LARGE1: variants seen among roughly 807,000 people sequenced by gnomAD.
LARGE1 encodes the protein LARGE xylosyl- and glucuronyltransferase 1, also known as xylosyl- and glucuronyltransferase LARGE1.
Under a neutral mutation model 87.6 loss-of-function variants are expected in LARGE1, and 43 were observed. That is an observed-to-expected ratio of 0.49 (90% CI 0.38 to 0.63). The LOEUF is 0.63. Ranked by LOEUF, LARGE1 falls within the 30% of genes least tolerant of loss-of-function variation. The probability of loss-of-function intolerance (pLI) is 0.00; values close to 1 mark genes in which losing one functional copy is unlikely to be tolerated. For missense variants in LARGE1, 802 were observed against 1,000.2 expected, an observed-to-expected ratio of 0.80 and a Z score of 2.67; for synonymous variants, 434 against 394.6, an observed-to-expected ratio of 1.10 and a Z score of -1.18.
chr22:33,627,628 G>A (rs1011270868), intron 3 of LARGE1, among the ~76,000 whole-genome samples: 11 of 152,106 alleles, frequency 7.2e-5, no homozygotes, highest in Non-Finnish European at 1.5e-5. Context: ...ATCCCATACA[G>A]GGTGATGTGA....
At chr22:33,122,086 G>T in the LARGE1 span, among the ~76,000 whole-genome samples, 1 of 152,140 alleles carries the variant, frequency 6.6e-6, no homozygotes, top group Admixed American at 6.5e-5. Flanking sequence ...GAAAATTAAG[G>T]ATCTGGATTG....
chr22:33,073,817 C>G, the LARGE1 span, among the ~76,000 whole-genome samples: 1 of 152,164 alleles, frequency 6.6e-6, no homozygotes, highest in Non-Finnish European at 1.5e-5. Context: ...CATATACATG[C>G]TAATAAACCT....
chr22:33,382,788 C>T (rs2065201088), intron 8 of LARGE1, among the ~76,000 whole-genome samples: 2 of 152,136 alleles, frequency 1.3e-5, no homozygotes, highest in Non-Finnish European at 2.9e-5. Flanking sequence ...GGGGGACATG[C>T]TCAAGTCACT....
At chr22:33,861,750 G>C (rs1160274459) in intron 1 of LARGE1, 4 of 152,210 alleles carry the variant, frequency 2.6e-5, no homozygotes, top group African/African-American at 4.8e-5. Flanking sequence ...ACTCACTTCT[G>C]CTCACCACCC....
At chr22:33,765,707 C>CCAACA (rs2084879616) in intron 1 of LARGE1, among the ~76,000 whole-genome samples, 1 of 69,906 alleles carries the variant, frequency 1.4e-5, no homozygotes, top group African/African-American at 5.9e-5. Flanking sequence ...CTCCATCTCA[C>CCAACA]AAAAAAAAAA....
At chr22:33,422,703 G>T (rs1459959043) in intron 7 of LARGE1, among the ~76,000 whole-genome samples, 2 of 151,992 alleles carry the variant, frequency 1.3e-5, no homozygotes, top group Non-Finnish European at 2.9e-5. Context: ...TAGAGATGGG[G>T]TTTCACCATG....
chr22:33,745,709 T>A (rs555062350), intron 2 of LARGE1, among the ~76,000 whole-genome samples: 1 of 152,086 alleles, frequency 6.6e-6, no homozygotes, highest in African/African-American at 2.4e-5. Context: ...CAATCATCCA[T>A]CAGCCACAGA....
At chr22:33,700,846 C>T (rs530083780) in intron 2 of LARGE1, among the ~76,000 whole-genome samples, 2 of 152,220 alleles carry the variant, frequency 1.3e-5, no homozygotes, top group African/African-American at 4.8e-5. Flanking sequence ...GTTTAGGTAC[C>T]TTTTAAGCTT....
rs71187275 is a variant in LARGE1 at position 33,651,225 on chromosome 22, CAAAAAA to C, written c.107-563_107-558del. On this transcript the variant is annotated intron_variant, in intron 2 of 14. Coordinates refer to ENST00000397394, the MANE Select transcript of LARGE1 (RefSeq NM_133642.5). The stretch of plus-strand genomic sequence containing the variant: ...TGAAACCCGGTCTCTACTAAAAATA[CAAAAAA>C]AAAAAAAAAAATTAGCCGGGCTTGG... 8.1e-4 allele frequency among the ~76,000 whole-genome samples: 46 copies of C among 56,584 alleles called. 2 individuals carry two copies. The highest frequency in any genetic ancestry group is 3.1e-3 in the African/African-American group (46 of 14,684). The allele number at this position is 56,584 out of a possible 152,430, so 37.1% of individuals were successfully genotyped here.
the LARGE1 span, among the ~76,000 whole-genome samples, chr22:33,067,290 A>G: frequency 6.6e-6 from 1 of 152,102 alleles, no homozygotes; most frequent in African/African-American, 2.4e-5. Flanking sequence ...ATAGTCATTG[A>G]AAGAATACAT....
intron 11 of LARGE1, among the ~76,000 whole-genome samples, chr22:33,229,321 A>T (rs1208743605): frequency 6.6e-6 from 1 of 152,188 alleles, no homozygotes; most frequent in Non-Finnish European, 1.5e-5. Flanking sequence ...TCAACAAGTA[A>T]TAATGAGGAA....
the LARGE1 span, among the ~76,000 whole-genome samples, chr22:33,122,675 A>G: frequency 6.6e-6 from 1 of 151,858 alleles, no homozygotes; most frequent in Non-Finnish European, 1.5e-5. Flanking sequence ...GTTTTTTTCT[A>G]TGGCAAAACA....
intron 1 of LARGE1, among the ~76,000 whole-genome samples, chr22:33,763,819 A>T (rs991974400): frequency 1.3e-5 from 2 of 149,624 alleles, no homozygotes; most frequent in Non-Finnish European, 3.0e-5. Context: ...AGGGCAGAAA[A>T]GCAGCCTTAA....
At chr22:33,880,529 C>A (rs113289274) in intron 1 of LARGE1, among the ~76,000 whole-genome samples, 1 of 152,162 alleles carries the variant, frequency 6.6e-6, no homozygotes, top group Non-Finnish European at 1.5e-5. Flanking sequence ...CTGCCATGTG[C>A]GGCCTGAAGG....
chr22:33,664,125 A>T (rs376705093), intron 2 of LARGE1, among the ~76,000 whole-genome samples: 10 of 152,322 alleles, frequency 6.6e-5, no homozygotes, highest in African/African-American at 2.4e-4. Flanking sequence ...GGCAGGAGCC[A>T]GGCTGAATCA....
chr22:33,461,082 T>C (rs2068362806), intron 6 of LARGE1, among the ~76,000 whole-genome samples: 1 of 152,062 alleles, frequency 6.6e-6, no homozygotes, highest in African/African-American at 2.4e-5. Context: ...GAAGTAACAA[T>C]GAATTCAACC....
chr22:33,282,514 C>T (rs1361315762), intron 13 of LARGE1, among the ~76,000 whole-genome samples: 2 of 152,184 alleles, frequency 1.3e-5, no homozygotes, highest in Non-Finnish European at 2.9e-5. Context: ...GACATGGAAC[C>T]TGTTTGCTCC....
chr22:33,756,329 C>G (rs753075960), intron 2 of LARGE1, among the ~76,000 whole-genome samples: 2 of 152,138 alleles, frequency 1.3e-5, no homozygotes, highest in Non-Finnish European at 2.9e-5. Context: ...CTAAAGAGAC[C>G]CGCTTTCTCC....
At chr22:33,800,263 A>AT (rs757630344) in intron 1 of LARGE1, among the ~76,000 whole-genome samples, 12 of 152,226 alleles carry the variant, frequency 7.9e-5, no homozygotes, top group Non-Finnish European at 1.8e-4. Context: ...AGTTGCAAAA[A>AT]TAGTACAGAG....
Sources: allele counts gnomAD v4.1 joint callset (sites outside exome capture counted in the v4.1 genomes callset), GRCh38; gene constraint gnomAD v4.1.1; transcripts MANE v1.5; gene names NCBI Gene and HGNC (gene_info 2026-07-23, HGNC 2026-07-21).